Variants in VPS11 observed in about 807,000 individuals in gnomAD.
The protein encoded by VPS11 is VPS11 core subunit of CORVET and HOPS complexes.
VPS11 carries 51 observed loss-of-function variants against 106.8 expected under a neutral mutation model. The observed-to-expected ratio is 0.48, with a 90% confidence interval of 0.38 to 0.60. The LOEUF is 0.60. Ranked by LOEUF, VPS11 falls within the 20% of genes least tolerant of loss-of-function variation. The pLI, the probability that VPS11 is intolerant of heterozygous loss-of-function variation, is 0.00. For missense variants in VPS11, 950 were observed against 1,190.0 expected, an observed-to-expected ratio of 0.80 and a Z score of 2.97; for synonymous variants, 453 against 458.7, an observed-to-expected ratio of 0.99 and a Z score of 0.16.
At position 119,076,886 on chromosome 11, in the gene VPS11, T is replaced by C. The variant is rs1364372712; in HGVS notation, c.1239-11T>C. On this transcript the variant is annotated splice_polypyrimidine_tract_variant and intron_variant, in intron 7 of 15. Transcript: ENST00000621676. ...TGATTCAGATGCTATCGGGTGCACA[T>C]GTCTCCCTAGAACCATTGGAAAGTT... 9 of 1,613,620 alleles carry C rather than the reference T, an allele frequency of 5.6e-6. No homozygotes were observed. The highest frequency in any genetic ancestry group is 1.3e-5 in the African/African-American group (1 of 74,932).
chr11:119,074,680 C>T (rs782053836), intron 7 of VPS11, among the ~76,000 whole-genome samples: 1 of 152,196 alleles, frequency 6.6e-6, no homozygotes, highest in Non-Finnish European at 1.5e-5. Flanking sequence ...GTTAGGATTA[C>T]AGGTGTGAGC....
In VPS11 at chr11:119,076,916, C is replaced by G; in HGVS notation, c.1258C>G (p.Pro420Ala). The G allele has an allele frequency of 2.5e-6, 4 of 1,613,982 alleles. No homozygotes were observed. Among genetic ancestry groups the G allele is most frequent in the Non-Finnish European group, 3.4e-6 (4 of 1,179,882 alleles). ...CCCTAGAACCATTGGAAAGTTGGAG[C>G]CATCCTACGTGATCCGCAAGTTTCT... ...QYIRTIGKLE[P>A]SYVIRKFLDA... Residue 420 changes from proline (P) to alanine (A), a missense_variant, in exon 8 of 16, where the codon CCA (proline) becomes GCA (alanine). Pro to Ala is a conservative substitution (Grantham distance 27, BLOSUM62 -1). Coordinates refer to ENST00000621676, the MANE Select transcript of VPS11 (RefSeq NM_021729.6).
At position 119,079,163 on chromosome 11, in the gene VPS11, A is replaced by G. The variant is rs782054802; in HGVS notation, c.2301A>G (p.Thr767=). 6.4e-5 allele frequency: 104 copies of G among 1,613,566 alleles called. No homozygotes were observed. The highest frequency in any genetic ancestry group is 8.6e-5 in the Non-Finnish European group (101 of 1,179,810). Residue 767 remains threonine (T), a synonymous_variant, in exon 14 of 16, where the codon ACA becomes ACG. Coordinates refer to ENST00000621676, the MANE Select transcript of VPS11 (RefSeq NM_021729.6). ...CCCTGGCCCACAACTCCACAGCCACACTCTCCGTCATCAGGGACTACCTGG... is the reference window on the plus strand; with the variant it reads ...CCCTGGCCCACAACTCCACAGCCACGCTCTCCGTCATCAGGGACTACCTGG... The part of the protein sequence containing the change: ...VQTLAHNSTA[T]LSVIRDYLVQ...
chr11:119,073,725 T>C (rs1945489167), intron 6 of VPS11, 75 bp from the exon 7 acceptor site: 2 of 1,496,196 alleles, frequency 1.3e-6, no homozygotes, highest in Non-Finnish European at 9.2e-7. Flanking sequence ...CTGTTTTGTG[T>C]GTTGTGCGCA....
chr11:119,074,239 C>A (rs1165974417), intron 7 of VPS11, among the ~76,000 whole-genome samples: 3 of 152,050 alleles, frequency 2.0e-5, no homozygotes, highest in African/African-American at 4.8e-5. Context: ...CGCGTGCCAC[C>A]ACACCTGGCT....
rs377129714 is a variant in VPS11 at position 119,069,200 on chromosome 11, G to C, written c.192G>C (p.Met64Ile). The change falls in exon 2 of 16, where the codon ATG becomes ATC. Residue 64 changes from methionine (M) to isoleucine (I), a missense_variant. Met to Ile is a conservative substitution (Grantham distance 10). Transcript: ENST00000621676. ...SGRGSLVFGD[M>I]EGQIWFLPRS... The stretch of plus-strand genomic sequence containing the variant: ...GGCTCCTTGACTACCCTGCACATAT[G>C]GAAGGCCAGATCTGGTTCTTGCCAC... 1.2e-6 allele frequency: 2 copies of C among 1,613,800 alleles called. No individual in the cohort carries two copies. Among genetic ancestry groups the C allele is most frequent in the African/African-American group, 2.7e-5 (2 of 74,884 alleles).
chr11:119,077,630 C>T lies in VPS11; in HGVS notation c.1555C>T (p.Gln519Ter), dbSNP rs1945677885. The T allele has an allele frequency of 6.2e-7, 1 of 1,604,948 alleles. No individual in the cohort carries two copies. Among genetic ancestry groups the T allele is most frequent in the Non-Finnish European group, 8.5e-7 (1 of 1,175,396 alleles). ...HAHHEWYLKIQLEDIKNYQEA... is the reference protein window; with the variant it reads ...HAHHEWYLKI ...ACATCATGAGTGGTACCTGAAGATC[C>T]AGCTAGAAGACATTAAGGTAGGTGA... Residue 519 changes from glutamine to a stop codon, truncating the protein, a stop_gained, in exon 9 of 16, where the codon CAG (glutamine) becomes TAG (stop). Transcript: ENST00000621676. LOFTEE classifies it high-confidence loss of function.
rs781965309 is a variant in VPS11, at chr11:119,077,512, G to T, written c.1437G>T (p.Glu479Asp). ...TGTCTCCCTGGCAGAAAAAGAGTGAGAGTGAAGTCCACTTTGATGTGGAGA... is the reference window on the plus strand; with the variant it reads ...TGTCTCCCTGGCAGAAAAAGAGTGATAGTGAAGTCCACTTTGATGTGGAGA... ...KLEEFIKKKSESEVHFDVETA... is the reference protein window; with the variant it reads ...KLEEFIKKKSDSEVHFDVETA... Residue 479 changes from glutamate to aspartate, a missense_variant, in exon 9 of 16, where the codon GAG (glutamate) becomes GAT (aspartate). This residue lies in a region of VPS11 where 435 missense variants were observed against 630.2 expected (regional missense o/e 0.69). Coordinates refer to ENST00000621676, the MANE Select transcript of VPS11 (RefSeq NM_021729.6). The T allele has an allele frequency of 6.2e-7, 1 of 1,613,864 alleles. No individual in the cohort carries two copies. Among genetic ancestry groups the T allele is most frequent in the Admixed American group, 1.7e-5 (1 of 60,000 alleles).
At position 119,068,443 on chromosome 11, in the gene VPS11, C is replaced by CTTTTTTTTTTT. The variant is rs1945208004; in HGVS notation, c.187+433_187+434insTTTTTTTTTTT. Among the ~76,000 whole-genome samples the CTTTTTTTTTTT allele has an allele frequency of 2.5e-4, 9 of 35,796 alleles. 3 individuals carry two copies. Among genetic ancestry groups the CTTTTTTTTTTT allele is most frequent in the Non-Finnish European group, 3.3e-4 (4 of 12,250 alleles). The allele number at this position is 35,796 out of a possible 152,430, so 23.5% of individuals were successfully genotyped here. A position where few individuals can be genotyped will look rare whatever the true frequency, so the allele number is the denominator to read the frequency against. On this transcript the variant is annotated intron_variant, in intron 1 of 15. Transcript: ENST00000621676. ...CTGCTACTAAATTCTGGCCTTTTTA[C>CTTTTTTTTTTT]CTTTTTTTTTTTTTTTTTTTTTTTG...
chr11:119,071,545 T>TAA, intron 4 of VPS11, 51 bp from the exon 5 acceptor site: 12 of 1,598,700 alleles, frequency 7.5e-6, no homozygotes, highest in Non-Finnish European at 1.0e-5. Flanking sequence ...TGTGAAGGCT[T>TAA]AGAGTTACCT....
Position 119,070,256 on chromosome 11 carries a change from A to G in VPS11, c.495A>G (p.Thr165=). The G allele has an allele frequency of 6.2e-7, 1 of 1,612,126 alleles. No individual in the cohort carries two copies. The change falls in exon 4 of 16, where the codon ACA becomes ACG. Residue 165 remains threonine (T), a synonymous_variant. Transcript: ENST00000621676. ...MAIGFTDGSV[T]LNKGDITRDR... is the part of the protein sequence containing the mutation. ...CAGGTTTCACAGATGGCAGTGTTAC[A>G]TTGAACAAAGGAGACATCACCCGGG...
chr11:119,070,313 G>T lies in VPS11; in HGVS notation c.552G>T (p.Lys184Asn), dbSNP rs2134747841. 1 of 1,613,284 alleles carries T rather than the reference G, an allele frequency of 6.2e-7. No homozygotes were observed. The change falls in exon 4 of 16, where the codon AAG (lysine) becomes AAT (asparagine). Residue 184 changes from lysine (K) to asparagine (N), a missense_variant. By Grantham distance (94) the Lys-to-Asn change is moderately conservative (BLOSUM62 0). This residue lies in a region of VPS11 where 435 missense variants were observed against 630.2 expected (regional missense o/e 0.69). Transcript: ENST00000621676. ...ATAGCAAGACCCAGATTTTGCACAA[G>T]GGCAACTATCCTGTAACTGGATTGG... ...DRHSKTQILH[K>N]GNYPVTGLAF...
At chr11:119,075,914 AGATAAT>A (rs1213854970) in intron 7 of VPS11, among the ~76,000 whole-genome samples, 1 of 136,798 alleles carries the variant, frequency 7.3e-6, no homozygotes, top group Non-Finnish European at 1.5e-5. Flanking sequence ...AAATAATAGT[AGATAAT>A]AATAATAATA....
chr11:119,079,309 G>T lies in VPS11; in HGVS notation c.2438+9G>T. 6.3e-7 allele frequency: 1 copy of T among 1,580,002 alleles called. No individual in the cohort carries two copies. The highest frequency in any genetic ancestry group is 2.3e-5 in the East Asian group (1 of 43,154). On this transcript the variant is annotated intron_variant, in intron 14 of 15. Coordinates refer to ENST00000621676, the MANE Select transcript of VPS11 (RefSeq NM_021729.6). The stretch of plus-strand genomic sequence containing the variant: ...CAAGAGCTCAAGGCCAGGTACCCGG[G>T]GCATGGATATGTGGAGGAGTCCAGG...
In VPS11 at chr11:119,078,995, T is replaced by G. The variant is rs1438724617; in HGVS notation, c.2264T>G (p.Leu755Arg). ...AACAAGAACCTCATGCCACCTCTTC[T>G]AGGTACTTGGGAAGACAGATGGGTG... ...IENKNLMPPL[L>R]VVQTLAHNST... The change falls in exon 13 of 16, where the codon CTA becomes CGA. Residue 755 changes from leucine to arginine, a missense_variant and splice_region_variant. Transcript: ENST00000621676. 2 of 1,614,038 alleles carry G rather than the reference T, an allele frequency of 1.2e-6. No homozygotes were observed. Among genetic ancestry groups the G allele is most frequent in the East Asian group, 4.5e-5 (2 of 44,884 alleles).
chr11:119,078,915 T>C lies in VPS11; in HGVS notation c.2184T>C (p.Ala728=). 9 of 1,613,962 alleles carry C rather than the reference T, an allele frequency of 5.6e-6. No homozygotes were observed. Among genetic ancestry groups the C allele is most frequent in the Non-Finnish European group, 6.8e-6 (8 of 1,179,882 alleles). Residue 728 remains alanine (A), a synonymous_variant, in exon 13 of 16, where the codon GCT becomes GCC. Coordinates refer to ENST00000621676, the MANE Select transcript of VPS11 (RefSeq NM_021729.6). ...SLWEQALSYF[A]RKEEDCKEYV... The stretch of plus-strand genomic sequence containing the variant: ...GGGAGCAGGCCCTCAGCTACTTCGC[T>C]CGCAAGGAGGAGGACTGCAAGGAGT...
rs1409068343 is a variant in VPS11, at chr11:119,081,846, G to T, written c.*223G>T. ...GCAGTGTAGATCATTCCAGATCAGT[G>T]GGGGAGGGCACCTCAGCAACCTCTG... On this transcript the variant is annotated 3_prime_UTR_variant, in exon 16 of 16. Transcript: ENST00000621676. The T allele has an allele frequency of 1.7e-6, 1 of 594,410 alleles. No individual in the cohort carries two copies. The highest frequency in any genetic ancestry group is 2.8e-6 in the Non-Finnish European group (1 of 354,426). The allele number at this position is 594,410 out of a possible 1,614,324, so 36.8% of individuals were successfully genotyped here. A position where few individuals can be genotyped will look rare whatever the true frequency, so the allele number is the denominator to read the frequency against.
At chr11:119,077,752 A>G in intron 9 of VPS11, 105 bp downstream of exon 9, 4 of 1,538,146 alleles carry the variant, frequency 2.6e-6, no homozygotes, top group Non-Finnish European at 3.5e-6. Context: ...CATCCTCCTG[A>G]GTGGAGGTGA....
intron 7 of VPS11, among the ~76,000 whole-genome samples, chr11:119,075,860 C>T (rs1408540161): frequency 6.6e-6 from 1 of 151,730 alleles, no homozygotes; most frequent in Non-Finnish European, 1.5e-5. Context: ...CAAGATCGTG[C>T]CACTGCACTC....
Sources: allele counts gnomAD v4.1 joint callset (sites outside exome capture counted in the v4.1 genomes callset), GRCh38; gene constraint gnomAD v4.1.1; regional missense constraint gnomAD v4.1.1; transcripts MANE v1.5; gene names NCBI Gene and HGNC (gene_info 2026-07-23, HGNC 2026-07-21).